AFDN: variants seen among roughly 807,000 people sequenced by gnomAD.
The protein encoded by AFDN is afadin, adherens junction formation factor.
AFDN carries 68 observed loss-of-function variants against 216.6 expected under a neutral mutation model. The ratio of observed to expected loss-of-function variants is 0.31; its 90% CI spans 0.26 to 0.38. The LOEUF (loss-of-function observed/expected upper bound fraction) is 0.38. Among genes scored for constraint, AFDN ranks in the 10% least tolerant of loss-of-function variants. The probability of loss-of-function intolerance (pLI) is 1.00; values close to 1 mark genes in which losing one functional copy is unlikely to be tolerated. For synonymous variants in AFDN, 868 were observed against 853.7 expected (o/e 1.02, Z -0.29); for missense variants, 2,136 against 2,342.0 (o/e 0.91, Z 1.82).
Position 167,831,415 on chromosome 6 carries a change from C to A in AFDN, c.105+4178C>A, listed in dbSNP as rs530872947. Among the ~76,000 whole-genome samples, 3 of 152,080 alleles carry A rather than the reference C, an allele frequency of 2.0e-5. No individual in the cohort carries two copies. The South Asian group carries it at 6.2e-4, about 32-fold the overall frequency. The stretch of plus-strand genomic sequence containing the variant: ...ATAACCTTTTAAAAATCTTTTATTT[C>A]CTTTAATAACTGGTTACGTTTTATG... On this transcript the variant is annotated intron_variant, in intron 1 of 33. Coordinates refer to ENST00000683244, the MANE Select transcript of AFDN (RefSeq NM_001386888.1).
intron 1 of AFDN, among the ~76,000 whole-genome samples, chr6:167,860,514 G>A (rs1006289120): frequency 6.6e-6 from 1 of 152,128 alleles, no homozygotes; most frequent in African/African-American, 2.4e-5. Flanking sequence ...TCTCATTGTT[G>A]AGCACTTACC....
chr6:167,840,082 C>G (rs1057442089), intron 1 of AFDN, among the ~76,000 whole-genome samples: 1 of 152,060 alleles, frequency 6.6e-6, no homozygotes, highest in African/African-American at 2.4e-5. Context: ...AGAGGGGAGA[C>G]CCGGTAGGTA....
chr6:167,914,605 G>C (rs978186563), intron 17 of AFDN, 39 bp from the exon 18 acceptor site: 6 of 1,409,136 alleles, frequency 4.3e-6, no homozygotes, highest in Non-Finnish European at 6.0e-6. Context: ...ATAGCTGTCT[G>C]TCATGCTAAG....
chr6:167,884,799 C>T (rs192550106), intron 6 of AFDN, among the ~76,000 whole-genome samples: 6 of 152,280 alleles, frequency 3.9e-5, no homozygotes, highest in East Asian at 3.9e-4. Context: ...CAGCTTCATT[C>T]GCCCCTAACA....
chr6:167,876,887 G>T (rs1445684915), intron 5 of AFDN, among the ~76,000 whole-genome samples: 2 of 151,972 alleles, frequency 1.3e-5, no homozygotes, highest in Admixed American at 1.3e-4. Flanking sequence ...AATTTGATAT[G>T]CTTTGTTAAT....
chr6:167,966,206 C>CA (rs1047799073), intron 32 of AFDN, 161 bp downstream of exon 32: 5 of 1,533,728 alleles, frequency 3.3e-6, no homozygotes, highest in Non-Finnish European at 4.4e-6. Flanking sequence ...GTACTGCTCA[C>CA]AAAAAAGGCC....
At chr6:167,915,468 T>C in intron 19 of AFDN, 35 bp downstream of exon 19, 1 of 1,573,426 alleles carries the variant, frequency 6.4e-7, no homozygotes, top group Non-Finnish European at 8.6e-7. Flanking sequence ...CTCATGTGCT[T>C]TATGATAAAG....
chr6:167,867,369 T>C (rs1784293660), intron 2 of AFDN, among the ~76,000 whole-genome samples: 1 of 152,172 alleles, frequency 6.6e-6, no homozygotes, highest in Admixed American at 6.5e-5. Flanking sequence ...ATTTTTTATT[T>C]CTGTATTTTG....
chr6:167,831,598 A>G (rs1187473947), intron 1 of AFDN, among the ~76,000 whole-genome samples: 4 of 152,216 alleles, frequency 2.6e-5, no homozygotes, highest in Non-Finnish European at 4.4e-5. Flanking sequence ...CTGATGGAAA[A>G]TAAGTGTTAT....
At chr6:167,940,449 G>A (rs1241820078) in intron 23 of AFDN, among the ~76,000 whole-genome samples, 3 of 47,614 alleles carry the variant, frequency 6.3e-5, no homozygotes, top group African/African-American at 2.4e-4. Flanking sequence ...GGATGTAGGG[G>A]TGAGGGTGGA....
Position 167,943,926 on chromosome 6 carries a change from ATCT to A in AFDN, c.3240-8_3240-6del, listed in dbSNP as rs575395548. The A allele has an allele frequency of 1.9e-4, 299 of 1,611,656 alleles. No homozygotes were observed. In the African/African-American group the frequency reaches 3.3e-3, roughly 18 times the overall value. The stretch of plus-strand genomic sequence containing the variant: ...CGTTTTAGTCTTTCTTACATGTGTA[ATCT>A]TCTTCTCCTAGGGCGGCAGAACTCA... On this transcript the variant is annotated splice_polypyrimidine_tract_variant and intron_variant, in intron 25 of 33. Coordinates refer to ENST00000683244, the MANE Select transcript of AFDN (RefSeq NM_001386888.1).
chr6:167,944,211 A>C lies in AFDN; in HGVS notation c.3358+152A>C, dbSNP rs542290870. 5.1e-6 allele frequency: 3 copies of C among 590,242 alleles called. No homozygotes were observed. The Admixed American group carries it at 9.0e-5, about 18-fold the overall frequency. The allele number at this position is 590,242 out of a possible 1,614,324, so 36.6% of individuals were successfully genotyped here. On this transcript the variant is annotated intron_variant, in intron 26 of 33. Transcript: ENST00000683244. ...AGAGCGCTTCAGCATAGTGCCTGGG[A>C]TTCCCATGTGAACCTTCTGACCTTG...
chr6:167,939,595 A>G (rs1562709736), intron 23 of AFDN, among the ~76,000 whole-genome samples: 1 of 152,214 alleles, frequency 6.6e-6, no homozygotes, highest in African/African-American at 2.4e-5. Context: ...ATTGATGTGT[A>G]CGTGGAGCTT....
chr6:167,935,094 G>A (rs1793820678), intron 23 of AFDN, among the ~76,000 whole-genome samples: 1 of 152,178 alleles, frequency 6.6e-6, no homozygotes, highest in African/African-American at 2.4e-5. Context: ...TTCTACAGGT[G>A]AATTTCAGAT....
intron 2 of AFDN, 104 bp from the exon 3 acceptor site, chr6:167,870,282 G>A (rs1174231441): frequency 1.5e-6 from 1 of 651,762 alleles, no homozygotes; most frequent in East Asian, 2.8e-5. Flanking sequence ...TCTGCAAGTA[G>A]GTGCTTTGTC....
chr6:167,958,122 T>C (rs1796701011), intron 30 of AFDN, among the ~76,000 whole-genome samples: 1 of 152,250 alleles, frequency 6.6e-6, no homozygotes, highest in South Asian at 2.1e-4. Flanking sequence ...TGAGAGGTTG[T>C]AGTCAAAGCT....
rs753313514 is a variant in AFDN, at chr6:167,827,201, C to T, written c.69C>T (p.Asn23=). ...LADIIHHWNA[N]RLDLFEISQP... ...ACATCATCCACCACTGGAACGCCAA[C>T]CGGCTGGACCTGTTCGAGATCAGCC... Residue 23 remains asparagine (N), a synonymous_variant, in exon 1 of 34, where the codon AAC becomes AAT. Coordinates refer to ENST00000683244, the MANE Select transcript of AFDN (RefSeq NM_001386888.1). 1 of 1,277,546 alleles carries T rather than the reference C, an allele frequency of 7.8e-7. No homozygotes were observed. Among genetic ancestry groups the T allele is most frequent in the Non-Finnish European group, 1.0e-6 (1 of 980,542 alleles). 79.1% of individuals were successfully genotyped at this position (1,277,546 alleles called of 1,614,324 possible).
intron 22 of AFDN, among the ~76,000 whole-genome samples, chr6:167,924,266 G>T (rs931386347): frequency 1.3e-5 from 2 of 152,122 alleles, no homozygotes; most frequent in African/African-American, 4.8e-5. Flanking sequence ...CCTCCTTAGT[G>T]TGTATGCACT....
intron 30 of AFDN, among the ~76,000 whole-genome samples, chr6:167,960,930 A>C (rs760306886): frequency 9.2e-5 from 14 of 152,208 alleles, no homozygotes; most frequent in Non-Finnish European, 1.6e-4. Context: ...TGAGAAGACA[A>C]TTTTAATTTT....
Sources: allele counts gnomAD v4.1 joint callset (sites outside exome capture counted in the v4.1 genomes callset), GRCh38; gene constraint gnomAD v4.1.1; transcripts MANE v1.5; gene names NCBI Gene and HGNC (gene_info 2026-07-23, HGNC 2026-07-21).